Variants in RGS3 observed in about 807,000 individuals in gnomAD.
RGS3 encodes regulator of G-protein signalling 3.
In RGS3, 80 loss-of-function variants were observed where a neutral mutation model predicts 132.6. The observed-to-expected ratio is 0.60, with a 90% CI of 0.50 to 0.73. The LOEUF is 0.73. Ranked by LOEUF, RGS3 falls within the 30% of genes least tolerant of loss-of-function variation. RGS3 has a pLI of 0.00. For synonymous variants in RGS3, 598 were observed against 620.6 expected (o/e 0.96, Z 0.54); for missense variants, 1,382 against 1,530.8 (o/e 0.90, Z 1.62).
intron 1 of RGS3, among the ~76,000 whole-genome samples, chr9:113,454,025 G>T (rs1829313026): frequency 6.6e-6 from 1 of 151,814 alleles, no homozygotes; most frequent in Non-Finnish European, 1.5e-5. Flanking sequence ...AGTTGCTCAG[G>T]CTAGTCTCAG....
intron 19 of RGS3, chr9:113,582,695 CA>C (rs1213729895): frequency 6.6e-6 from 1 of 152,106 alleles, no homozygotes; most frequent in Non-Finnish European, 1.5e-5. Context: ...CGAAACTCAG[CA>C]AAACCCCCTA....
At chr9:113,517,431 T>C in intron 15 of RGS3, 110 bp from the exon 14 acceptor site, 1 of 857,034 alleles carries the variant, frequency 1.2e-6, no homozygotes, top group South Asian at 1.3e-5. Context: ...GACAGTCTTC[T>C]CTGGGTCAGA....
At chr9:113,553,763 A>C (rs1021938816) in intron 19 of RGS3, among the ~76,000 whole-genome samples, 1 of 151,834 alleles carries the variant, frequency 6.6e-6, no homozygotes, top group Non-Finnish European at 1.5e-5. Flanking sequence ...GAATCACTTG[A>C]ACCCTGGAGA....
At chr9:113,505,261 C>T (rs1385642753) in intron 10 of RGS3, 181 bp from the exon 9 acceptor site, 3 of 603,712 alleles carry the variant, frequency 5.0e-6, no homozygotes, top group Admixed American at 5.6e-5. Flanking sequence ...GCCCACAACC[C>T]AGTGCTCAAG....
At chr9:113,490,047 G>C (rs1263338053) in intron 7 of RGS3, among the ~76,000 whole-genome samples, 1 of 152,188 alleles carries the variant, frequency 6.6e-6, no homozygotes, top group Non-Finnish European at 1.5e-5. Context: ...GAACTGAGGA[G>C]AACCAGGCCT....
chr9:113,577,700 G>A (rs1021826990), intron 19 of RGS3, among the ~76,000 whole-genome samples: 18 of 152,156 alleles, frequency 1.2e-4, no homozygotes, highest in African/African-American at 3.9e-4. Context: ...TTTGGCCTAT[G>A]CTGCTTCCTC....
At position 113,595,793 on chromosome 9, in the gene RGS3, C is replaced by T. The variant is rs1488244527; in HGVS notation, c.3411+28C>T. ...AGGACCTCAGGGCAGACCCTCCGCT[C>T]CTCCAATCCCCAGGGCCCAGTGGCC... On this transcript the variant is annotated intron_variant, in intron 24 of 24. Transcript: ENST00000350696. 5.0e-6 allele frequency: 8 copies of T among 1,605,482 alleles called. No individual in the cohort carries two copies. In the African/African-American group the frequency reaches 1.1e-4, roughly 21 times the overall value.
rs565875574 is a variant in RGS3, at chr9:113,519,900, T to C, written c.1758+2276T>C. ...TAGACTTGATTAATGTGCCCTGAGG[T>C]CTATGGCCCTGTGCGAGGTTCTGGG... On this transcript the variant is annotated intron_variant, in intron 16 of 24. Transcript: ENST00000350696. Among the ~76,000 whole-genome samples the C allele has an allele frequency of 1.2e-4, 18 of 152,196 alleles. 1 individual carries two copies. In the South Asian group the frequency reaches 3.3e-3, roughly 28 times the overall value.
At chr9:113,584,295 C>G (rs1250731412) in exon 20 of RGS3, 3 of 1,610,092 alleles carry the variant, frequency 1.9e-6, no homozygotes, top group Non-Finnish European at 2.5e-6. Context: ...CCGACACCAC[C>G]TTGCACTGCT....
intron 15 of RGS3, among the ~76,000 whole-genome samples, chr9:113,516,239 C>T (rs892216566): frequency 3.3e-5 from 5 of 152,228 alleles, no homozygotes; most frequent in African/African-American, 9.6e-5. Flanking sequence ...GGAGCTCACA[C>T]GCCTCCCCTT....
At chr9:113,494,155 G>A (rs1830611014) in intron 7 of RGS3, among the ~76,000 whole-genome samples, 1 of 152,056 alleles carries the variant, frequency 6.6e-6, no homozygotes, top group East Asian at 1.9e-4. Context: ...AACTCTTACT[G>A]TCAGGATAGA....
chr9:113,587,828 A>ACC (rs893460378), intron 20 of RGS3, among the ~76,000 whole-genome samples: 3 of 152,020 alleles, frequency 2.0e-5, no homozygotes, highest in African/African-American at 7.2e-5. Flanking sequence ...ACTCCCCGCC[A>ACC]TGGTTCTCCA....
At chr9:113,477,148 C>G (rs113339573) in intron 3 of RGS3, among the ~76,000 whole-genome samples, 3,428 of 152,250 alleles carry the variant, frequency 0.023, 54 homozygotes, top group Non-Finnish European at 0.036. Flanking sequence ...CGTCAGTTCT[C>G]CCGGCGCCTT....
Position 113,447,329 on chromosome 9 carries a change from GTATATATATATA to G in RGS3, c.-13+2423_-13+2434del, listed in dbSNP as rs60991619. Among the ~76,000 whole-genome samples the G allele has an allele frequency of 1.2e-3, 34 of 27,558 alleles. 3 individuals carry two copies. The highest frequency in any genetic ancestry group is 0.012 in the South Asian group (4 of 334). 18.1% of individuals were successfully genotyped at this position (27,558 alleles called of 152,430 possible). ...CCAATAAATTCTGATGTATGTATAT[GTATATATATATA>G]TATATATATATATATATATAGGCAA... On this transcript the variant is annotated intron_variant, in intron 1 of 25. Transcript: ENST00000374140.
chr9:113,461,658 A>G, intron 1 of RGS3: 1 of 1,575,878 alleles, frequency 6.3e-7, no homozygotes, highest in Non-Finnish European at 8.6e-7. Flanking sequence ...CTTTGTTCCC[A>G]TTACCGGGTG....
At chr9:113,514,604 A>G in exon 15 of RGS3, 1 of 1,614,010 alleles carries the variant, frequency 6.2e-7, no homozygotes, top group Non-Finnish European at 8.5e-7. Flanking sequence ...AAGCTATGGC[A>G]CCTACGTCAC....
At chr9:113,490,820 A>G (rs1465961624) in intron 7 of RGS3, among the ~76,000 whole-genome samples, 1 of 135,492 alleles carries the variant, frequency 7.4e-6, no homozygotes, top group Non-Finnish European at 1.5e-5. Context: ...TATAACAATT[A>G]TAATTATATC....
chr9:113,552,561 G>A (rs1433785681), intron 19 of RGS3, among the ~76,000 whole-genome samples: 1 of 152,034 alleles, frequency 6.6e-6, no homozygotes, highest in Non-Finnish European at 1.5e-5. Context: ...CTCGTAATCC[G>A]TCCGACTCGG....
chr9:113,478,647 A>C (rs1203454722), intron 3 of RGS3, among the ~76,000 whole-genome samples: 1 of 152,042 alleles, frequency 6.6e-6, no homozygotes, highest in Admixed American at 6.6e-5. Context: ...CTTCTGTACA[A>C]AAAATTAATT....
Sources: allele counts gnomAD v4.1 joint callset (sites outside exome capture counted in the v4.1 genomes callset), GRCh38; gene constraint gnomAD v4.1.1; transcripts MANE v1.5; gene names NCBI Gene and HGNC (gene_info 2026-07-23, HGNC 2026-07-21).